The following CACNB2 variants were observed in gnomAD, a reference collection of about 807,000 sequenced individuals.
CACNB2 encodes the protein calcium voltage-gated channel auxiliary subunit beta 2, also known as voltage-dependent L-type calcium channel subunit beta-2.
CACNB2 carries 42 observed loss-of-function variants against 73.3 expected under a neutral mutation model. That is an observed-to-expected ratio of 0.57 (90% CI 0.45 to 0.74). CACNB2 has a LOEUF of 0.74. Ranked by LOEUF, CACNB2 falls within the 30% of genes least tolerant of loss-of-function variation. CACNB2 has a pLI of 0.00. For missense variants in CACNB2, 940 were observed against 853.0 expected, an observed-to-expected ratio of 1.10 and a Z score of -1.27; for synonymous variants, 348 against 310.3, an observed-to-expected ratio of 1.12 and a Z score of -1.28.
chr10:18,399,007 C>T (rs1198101114), intron 2 of CACNB2, among the ~76,000 whole-genome samples: 4 of 152,092 alleles, frequency 2.6e-5, no homozygotes, highest in Admixed American at 1.3e-4. Flanking sequence ...AATGCGACCG[C>T]GGGAATGAGA....
At chr10:18,487,071 C>T (rs112402751) in intron 3 of CACNB2, among the ~76,000 whole-genome samples, 3,741 of 152,186 alleles carry the variant, frequency 0.025, 57 homozygotes, top group Admixed American at 0.031. Context: ...TTACATAGGG[C>T]GCGAGAGATT....
At chr10:18,248,191 A>G (rs2036942195) in intron 2 of CACNB2, among the ~76,000 whole-genome samples, 1 of 152,242 alleles carries the variant, frequency 6.6e-6, no homozygotes, top group African/African-American at 2.4e-5. Context: ...CACTTTTCCA[A>G]GCTAATTGAG....
At chr10:18,460,749 G>T (rs1391688693) in intron 3 of CACNB2, among the ~76,000 whole-genome samples, 2 of 151,926 alleles carry the variant, frequency 1.3e-5, no homozygotes, top group African/African-American at 4.8e-5. Context: ...AAATTATTAT[G>T]TATGGTAGGG....
chr10:18,485,914 A>AT (rs11317567), intron 3 of CACNB2, among the ~76,000 whole-genome samples: 1,625 of 138,472 alleles, frequency 0.012, 11 homozygotes, highest in African/African-American at 0.019. Flanking sequence ...GATCTGGGTC[A>AT]TTTTTTTTTT....
intron 2 of CACNB2, among the ~76,000 whole-genome samples, chr10:18,280,458 G>A (rs1436158982): frequency 2.0e-5 from 3 of 152,216 alleles, no homozygotes; most frequent in East Asian, 1.9e-4. Flanking sequence ...TATTGAATTC[G>A]TACACTTAAT....
intron 3 of CACNB2, among the ~76,000 whole-genome samples, chr10:18,421,452 C>T (rs2045319846): frequency 6.6e-6 from 1 of 152,016 alleles, no homozygotes; most frequent in African/African-American, 2.4e-5. Flanking sequence ...AATGCACCAC[C>T]ACACCCGGCT....
intron 5 of CACNB2, among the ~76,000 whole-genome samples, chr10:18,501,209 C>T (rs2050175190): frequency 6.6e-6 from 1 of 152,192 alleles, no homozygotes; most frequent in Non-Finnish European, 1.5e-5. Flanking sequence ...AATTCAGGCT[C>T]CAGGGCAGAG....
At chr10:18,462,418 T>A (rs1038365148) in intron 3 of CACNB2, among the ~76,000 whole-genome samples, 19 of 152,088 alleles carry the variant, frequency 1.2e-4, no homozygotes, top group African/African-American at 4.3e-4. Flanking sequence ...CATGCCCAGG[T>A]AATTTTTGTA....
intron 2 of CACNB2, among the ~76,000 whole-genome samples, chr10:18,202,270 A>G (rs2034913504): frequency 6.6e-6 from 1 of 152,200 alleles, no homozygotes; most frequent in Admixed American, 6.5e-5. Flanking sequence ...GGGTGGTGTC[A>G]AGCAGAACTG....
chr10:18,531,147 A>G (rs2052983754), intron 10 of CACNB2, among the ~76,000 whole-genome samples: 1 of 152,238 alleles, frequency 6.6e-6, no homozygotes, highest in Non-Finnish European at 1.5e-5. Context: ...CTGACCACTT[A>G]GGTGTCCCTC....
chr10:18,280,044 A>G (rs1397819921), intron 2 of CACNB2, among the ~76,000 whole-genome samples: 1 of 152,144 alleles, frequency 6.6e-6, no homozygotes, highest in Non-Finnish European at 1.5e-5. Context: ...GCACTGCTGC[A>G]CTCCAGCCTG....
In CACNB2 at chr10:18,536,108, A is replaced by T; in HGVS notation, c.1214A>T (p.Gln405Leu). Residue 405 changes from glutamine to leucine, a missense_variant, in exon 12 of 14, where the codon CAA (glutamine) becomes CTA (leucine). Coordinates refer to ENST00000324631, the MANE Select transcript of CACNB2 (RefSeq NM_201596.3). The part of the protein sequence containing the change: ...YVKISSPKVL[Q>L]RLIKSRGKSQ... ...ACTCATTATCTTTTACAGGTTTTAC[A>T]AAGGTTAATAAAATCTCGAGGGAAA... 6.3e-7 allele frequency: 1 copy of T among 1,597,502 alleles called. No individual in the cohort carries two copies. The highest frequency in any genetic ancestry group is 8.6e-7 in the Non-Finnish European group (1 of 1,165,016).
At chr10:18,290,733 A>G (rs1330983535) in intron 2 of CACNB2, among the ~76,000 whole-genome samples, 4 of 152,354 alleles carry the variant, frequency 2.6e-5, no homozygotes, top group East Asian at 1.9e-4. Context: ...GAGAAGGACA[A>G]CAGGCTTTCT....
At chr10:18,259,505 G>A (rs1397339873) in intron 2 of CACNB2, among the ~76,000 whole-genome samples, 2 of 139,360 alleles carry the variant, frequency 1.4e-5, no homozygotes, top group African/African-American at 5.4e-5. Context: ...AAGAGTTCAA[G>A]ACCAGCCTGG....
intron 3 of CACNB2, among the ~76,000 whole-genome samples, chr10:18,444,437 A>G (rs534528889): frequency 6.6e-6 from 1 of 152,356 alleles, no homozygotes; most frequent in African/African-American, 2.4e-5. Context: ...ATTTATACAA[A>G]GAGCTTACCA....
chr10:18,433,084 T>C lies in CACNB2; in HGVS notation c.333+31041T>C, dbSNP rs138384249. Among the ~76,000 whole-genome samples the C allele has an allele frequency of 2.7e-3, 402 of 150,810 alleles. 2 individuals are homozygous for C. The highest frequency in any genetic ancestry group is 0.014 in the Middle Eastern group (4 of 294). ...TAGAAAGTAACTGTTTAGATAACAC[T>C]ATTTATTCATTAAAATAAATATATG... On this transcript the variant is annotated intron_variant, in intron 3 of 13. Coordinates refer to ENST00000324631, the MANE Select transcript of CACNB2 (RefSeq NM_201596.3).
At chr10:18,270,944 T>G (rs561209820) in intron 2 of CACNB2, among the ~76,000 whole-genome samples, 2 of 152,342 alleles carry the variant, frequency 1.3e-5, no homozygotes, top group Admixed American at 6.5e-5. Context: ...ACTCTTTCAC[T>G]ACTACCTCTT....
At chr10:18,521,166 C>T (rs1193312165) in intron 9 of CACNB2, among the ~76,000 whole-genome samples, 1 of 152,188 alleles carries the variant, frequency 6.6e-6, no homozygotes, top group Non-Finnish European at 1.5e-5. Context: ...TAAATTGAAA[C>T]CTGTAGCAGT....
intron 2 of CACNB2, among the ~76,000 whole-genome samples, chr10:18,389,379 T>TC (rs2043368979): frequency 6.6e-6 from 1 of 152,192 alleles, no homozygotes; most frequent in Non-Finnish European, 1.5e-5. Flanking sequence ...GCTCATGCAG[T>TC]CCTCCCACCT....
Sources: allele counts gnomAD v4.1 joint callset (sites outside exome capture counted in the v4.1 genomes callset), GRCh38; gene constraint gnomAD v4.1.1; transcripts MANE v1.5; gene names NCBI Gene and HGNC (gene_info 2026-07-23, HGNC 2026-07-21).